The following TTI2 variants were observed in gnomAD, a reference collection of about 807,000 sequenced individuals.
The protein encoded by TTI2 is TELO2 interacting protein 2.
Under a neutral mutation model 44.9 loss-of-function variants are expected in TTI2, and 26 were observed. That is an observed-to-expected ratio of 0.58 (90% CI 0.42 to 0.80). The LOEUF (loss-of-function observed/expected upper bound fraction) is 0.80, where lower values mean the gene tolerates loss of function less well. Ranked by LOEUF, TTI2 falls within the 30% of genes least tolerant of loss-of-function variation. The probability of loss-of-function intolerance (pLI) is 0.00; values close to 1 mark genes in which losing one functional copy is unlikely to be tolerated. For synonymous variants in TTI2, 254 were observed against 250.9 expected, an observed-to-expected ratio of 1.01 and a Z score of -0.12; for missense variants, 582 against 611.6, an observed-to-expected ratio of 0.95 and a Z score of 0.51.
At position 33,512,301 on chromosome 8, in the gene TTI2, C is replaced by T. The variant is rs758994807; in HGVS notation, c.313G>A (p.Gly105Arg). The stretch of plus-strand genomic sequence containing the variant: ...GCTTTCTCGGCCGCTTCGGAGTGCC[C>T]ATCACCTCCACCTTCCTCCTCCTTG... ...PSKEEEGGGD[G>R]HSEAAEKAAQ... The change falls in exon 2 of 8, where the codon GGG (glycine) becomes AGG (arginine). Residue 105 changes from glycine (G) to arginine (R), a missense_variant. Physicochemically the swap from Gly to Arg is moderately radical, Grantham distance 125. Transcript: ENST00000431156. The T allele has an allele frequency of 6.2e-7, 1 of 1,614,194 alleles. No homozygotes were observed. Among genetic ancestry groups the T allele is most frequent in the Non-Finnish European group, 8.5e-7 (1 of 1,180,032 alleles).
At position 33,500,510 on chromosome 8, in the gene TTI2, C is replaced by T. The variant is rs1409679966; in HGVS notation, c.1260-20G>A. ...GAAACTCTGGAATCAGGAAGAAAAG[C>T]TATGTTCATACTCTAAATCTGGATA... On this transcript the variant is annotated intron_variant, in intron 6 of 7. Coordinates refer to ENST00000431156, the MANE Select transcript of TTI2 (RefSeq NM_001102401.4). 6 of 1,613,316 alleles carry T rather than the reference C, an allele frequency of 3.7e-6. No individual in the cohort carries two copies. Among genetic ancestry groups the T allele is most frequent in the Non-Finnish European group, 5.1e-6 (6 of 1,179,790 alleles).
In TTI2 at chr8:33,511,917, A is replaced by T. The variant is rs773268023; in HGVS notation, c.647+50T>A. On this transcript the variant is annotated intron_variant, in intron 2 of 7. Transcript: ENST00000431156. ...AAATAAATAAATAATAAAAAATAAA[A>T]ATAAAAAACTGTGAGGCTCAAGTCG... 7.6e-6 allele frequency: 12 copies of T among 1,578,830 alleles called. No homozygotes were observed. In the African/African-American group the frequency reaches 1.6e-4, roughly 21 times the overall value.
chr8:33,508,482 G>C (rs1021860606), intron 3 of TTI2, among the ~76,000 whole-genome samples: 1 of 151,982 alleles, frequency 6.6e-6, no homozygotes, highest in African/African-American at 2.4e-5. Context: ...ATGGTGGTGC[G>C]TTCCTGTAAT....
Position 33,500,411 on chromosome 8 carries a change from G to T in TTI2, c.1339C>A (p.Pro447Thr). The T allele has an allele frequency of 3.7e-6, 6 of 1,614,184 alleles. No individual in the cohort carries two copies. Among genetic ancestry groups the T allele is most frequent in the Non-Finnish European group, 5.1e-6 (6 of 1,180,026 alleles). The stretch of plus-strand genomic sequence containing the variant: ...AGCAGGGCGCTCTTAACAGACTCAG[G>T]TGTAAGGTTTGGATCCCTTGCTACA... Reference protein sequence around the residue: ...CDVARDPNLTPESVKSALLQE... With the variant: ...CDVARDPNLTTESVKSALLQE... Residue 447 changes from proline to threonine, a missense_variant, in exon 7 of 8, where the codon CCT becomes ACT. Pro to Thr is a conservative substitution (Grantham distance 38). Coordinates refer to ENST00000431156, the MANE Select transcript of TTI2 (RefSeq NM_001102401.4).
At chr8:33,507,168 T>C in intron 4 of TTI2, 61 bp downstream of exon 4, 1 of 1,437,112 alleles carries the variant, frequency 7.0e-7, no homozygotes. Context: ...ACTCACACAA[T>C]GCAACCTTCT....
Position 33,509,798 on chromosome 8 carries a change from G to A in TTI2, c.782C>T (p.Thr261Ile). 6.2e-7 allele frequency: 1 copy of A among 1,614,146 alleles called. No homozygotes were observed. Among genetic ancestry groups the A allele is most frequent in the Admixed American group, 1.7e-5 (1 of 60,014 alleles). The change falls in exon 3 of 8, where the codon ACT (threonine) becomes ATT (isoleucine). Residue 261 changes from threonine to isoleucine, a missense_variant. Thr to Ile is a moderately conservative substitution (Grantham distance 89). Coordinates refer to ENST00000431156, the MANE Select transcript of TTI2 (RefSeq NM_001102401.4). ...ASLVISDDYQTENKILGVHCL... is the reference protein window; with the variant it reads ...ASLVISDDYQIENKILGVHCL... ...GTGTACACCCAGGATTTTGTTCTCA[G>A]TCTGATAGTCATCTGAAATGACCAA...
At chr8:33,503,956 G>A (rs1809203159) in intron 4 of TTI2, 21 bp from the exon 5 acceptor site, 1 of 1,612,098 alleles carries the variant, frequency 6.2e-7, no homozygotes, top group Non-Finnish European at 8.5e-7. Flanking sequence ...GGAATGGAAG[G>A]ACGGTGCATA....
rs576756396 is a variant in TTI2 at position 33,512,485 on chromosome 8, TC to T, written c.128del (p.Arg43HisfsTer5). 357 of 1,614,082 alleles carry T rather than the reference TC, an allele frequency of 2.2e-4. 2 individuals carry two copies. In the African/African-American group the frequency reaches 4.4e-3, roughly 20 times the overall value. On this transcript the variant is annotated frameshift_variant, in exon 2 of 8. Transcript: ENST00000431156. LOFTEE classifies it high-confidence loss of function. ...ILHCLARPEA[R>X]RGNVKDAVLK... ...GAACTGCATCTTTTACATTGCCTCG[TC>T]GTGCCTCCGGGCGGGCAAGACAGTG...
chr8:33,511,919 TA>T lies in TTI2; in HGVS notation c.647+47del, dbSNP rs751622257. 1.3e-4 allele frequency: 199 copies of T among 1,584,886 alleles called. No homozygotes were observed. In the East Asian group the frequency reaches 2.2e-3, roughly 17 times the overall value. ...ATAAATAAATAATAAAAAATAAAAA[TA>T]AAAAACTGTGAGGCTCAAGTCGGTG... On this transcript the variant is annotated intron_variant, in intron 2 of 7. Coordinates refer to ENST00000431156, the MANE Select transcript of TTI2 (RefSeq NM_001102401.4).
chr8:33,512,432 G>A lies in TTI2; in HGVS notation c.182C>T (p.Ala61Val), dbSNP rs1225789993. Reference sequence around the variant, plus strand: ...CTCAAATAACCTATCAAATTCTGTGGCTTCTATTAGATCACCGAGGTCTTT... The same window carrying A: ...CTCAAATAACCTATCAAATTCTGTGACTTCTATTAGATCACCGAGGTCTTT... The part of the protein sequence containing the change: ...VLKDLGDLIE[A>V]TEFDRLFEGT... The change falls in exon 2 of 8, where the codon GCC (alanine) becomes GTC (valine). Residue 61 changes from alanine to valine, a missense_variant. By Grantham distance (64) the Ala-to-Val change is moderately conservative. Coordinates refer to ENST00000431156, the MANE Select transcript of TTI2 (RefSeq NM_001102401.4). 1 of 1,614,016 alleles carries A rather than the reference G, an allele frequency of 6.2e-7. No homozygotes were observed. The highest frequency in any genetic ancestry group is 1.7e-5 in the Admixed American group (1 of 60,002).
At chr8:33,504,595 A>C (rs1413495102) in intron 4 of TTI2, among the ~76,000 whole-genome samples, 8 of 152,040 alleles carry the variant, frequency 5.3e-5, no homozygotes. Context: ...CCTGGGTCAC[A>C]GTGGAAGAAG....
chr8:33,512,213 A>G lies in TTI2; in HGVS notation c.401T>C (p.Leu134Pro). Residue 134 changes from leucine to proline, a missense_variant, in exon 2 of 8, where the codon CTG (leucine) becomes CCG (proline). Coordinates refer to ENST00000431156, the MANE Select transcript of TTI2 (RefSeq NM_001102401.4). The part of the protein sequence containing the change: ...LGKVETAKNS[L>P]VGPAWQTGLH... The stretch of plus-strand genomic sequence containing the variant: ...GCCCGTCTGCCATGCAGGGCCGACC[A>G]GGGAATTCTTAGCAGTCTCAACTTT... 2 of 1,614,218 alleles carry G rather than the reference A, an allele frequency of 1.2e-6. No homozygotes were observed. Among genetic ancestry groups the G allele is most frequent in the Non-Finnish European group, 1.7e-6 (2 of 1,180,046 alleles).
intron 3 of TTI2, among the ~76,000 whole-genome samples, chr8:33,509,491 C>CAACTGTT (rs1324591868): frequency 7.0e-6 from 1 of 142,020 alleles, no homozygotes; most frequent in Non-Finnish European, 1.5e-5. Flanking sequence ...GAAAGAAAAT[C>CAACTGTT]AACTGTTGAC....
chr8:33,507,545 G>T lies in TTI2; in HGVS notation c.835-224C>A, dbSNP rs77299510. Among the ~76,000 whole-genome samples, 1,509 of 152,230 alleles carry T rather than the reference G, an allele frequency of 9.9e-3. 26 individuals carry two copies. Among genetic ancestry groups the T allele is most frequent in the African/African-American group, 0.034 (1,433 of 41,556 alleles). On this transcript the variant is annotated intron_variant, in intron 3 of 7. Transcript: ENST00000431156. ...CAAGTGATAAAAGATTCCTCTGGGT[G>T]GGGTATGCTTTCCATACCAGGGTAA...
rs770712144 is a variant in TTI2 at position 33,512,385 on chromosome 8, C to G, written c.229G>C (p.Gly77Arg). Reference sequence around the variant, plus strand: ...ACCTGCCCCAGTGTCTCCGGCATTCCGCGGAGCCGTGCACCAGTCCCCTCA... The same window carrying G: ...ACCTGCCCCAGTGTCTCCGGCATTCGGCGGAGCCGTGCACCAGTCCCCTCA... The part of the protein sequence containing the change: ...LFEGTGARLR[G>R]MPETLGQVAK... Residue 77 changes from glycine to arginine, a missense_variant, in exon 2 of 8, where the codon GGA becomes CGA. Coordinates refer to ENST00000431156, the MANE Select transcript of TTI2 (RefSeq NM_001102401.4). The G allele has an allele frequency of 1.2e-6, 2 of 1,614,202 alleles. No homozygotes were observed. Among genetic ancestry groups the G allele is most frequent in the Non-Finnish European group, 1.7e-6 (2 of 1,180,046 alleles).
intron 6 of TTI2, among the ~76,000 whole-genome samples, chr8:33,501,475 T>C (rs1261825317): frequency 6.6e-6 from 1 of 152,218 alleles, no homozygotes; most frequent in Non-Finnish European, 1.5e-5. Flanking sequence ...CTCTGCTCTT[T>C]AAAGACCTGA....
intron 3 of TTI2, among the ~76,000 whole-genome samples, chr8:33,509,391 G>A (rs1322510886): frequency 6.8e-6 from 1 of 146,938 alleles, no homozygotes; most frequent in Non-Finnish European, 1.5e-5. Context: ...AAGAGGTGGA[G>A]GTTGCAGTGG....
chr8:33,512,473 T>C lies in TTI2; in HGVS notation c.141A>G (p.Val47=). The C allele has an allele frequency of 6.2e-7, 1 of 1,614,092 alleles. No homozygotes were observed. Among genetic ancestry groups the C allele is most frequent in the Non-Finnish European group, 8.5e-7 (1 of 1,179,972 alleles). ...LARPEARRGN[V]KDAVLKDLGD... The stretch of plus-strand genomic sequence containing the variant: ...CGAGGTCTTTAAGAACTGCATCTTT[T>C]ACATTGCCTCGTCGTGCCTCCGGGC... Residue 47 remains valine, a synonymous_variant, in exon 2 of 8, where the codon GTA becomes GTG. Coordinates refer to ENST00000431156, the MANE Select transcript of TTI2 (RefSeq NM_001102401.4).
intron 4 of TTI2, among the ~76,000 whole-genome samples, 179 bp from the exon 5 acceptor site, chr8:33,504,114 C>T (rs1347880837): frequency 6.6e-6 from 1 of 152,010 alleles, no homozygotes; most frequent in East Asian, 1.9e-4. Context: ...TTTTTACATT[C>T]TTAATCTCCA....
Sources: allele counts gnomAD v4.1 joint callset (sites outside exome capture counted in the v4.1 genomes callset), GRCh38; gene constraint gnomAD v4.1.1; transcripts MANE v1.5; gene names NCBI Gene and HGNC (gene_info 2026-07-23, HGNC 2026-07-21).